HKDC1: variants seen among roughly 807,000 people sequenced by gnomAD.
HKDC1 encodes hexokinase domain containing 1.
HKDC1 carries 66 observed loss-of-function variants against 96.6 expected under a neutral mutation model. The observed-to-expected ratio is 0.68, with a 90% CI of 0.56 to 0.84. The LOEUF is 0.84. Ranked by LOEUF, HKDC1 falls within the 40% of genes least tolerant of loss-of-function variation. HKDC1 has a pLI of 0.00. For synonymous variants in HKDC1, 466 were observed against 473.1 expected, an observed-to-expected ratio of 0.98 and a Z score of 0.20; for missense variants, 1,211 against 1,208.1, an observed-to-expected ratio of 1.00 and a Z score of -0.04.
intron 4 of HKDC1, among the ~76,000 whole-genome samples, chr10:69,234,709 T>A (rs961704263): frequency 3.9e-5 from 6 of 152,262 alleles, no homozygotes. Flanking sequence ...CTTGTCTCTT[T>A]GTGCTTTTGT....
At chr10:69,253,733 C>T (rs2132368367) in intron 12 of HKDC1, among the ~76,000 whole-genome samples, 1 of 152,262 alleles carries the variant, frequency 6.6e-6, no homozygotes, top group East Asian at 1.9e-4. Flanking sequence ...CAAGAGGAAT[C>T]CAGTGCTGGT....
At chr10:69,245,068 A>AT (rs1352154085) in intron 7 of HKDC1, among the ~76,000 whole-genome samples, 1 of 151,902 alleles carries the variant, frequency 6.6e-6, no homozygotes, top group Non-Finnish European at 1.5e-5. Flanking sequence ...TGCCCGGCTA[A>AT]TTTTTTTGTA....
At chr10:69,233,286 C>T (rs1843303000) in intron 4 of HKDC1, among the ~76,000 whole-genome samples, 153 bp downstream of exon 4, 1 of 152,160 alleles carries the variant, frequency 6.6e-6, no homozygotes. Context: ...CAGCGTGAGG[C>T]AGAGAACTTG....
intron 5 of HKDC1, among the ~76,000 whole-genome samples, chr10:69,239,766 C>T (rs1353422995): frequency 7.9e-6 from 1 of 126,644 alleles, no homozygotes; most frequent in South Asian, 2.6e-4. Context: ...TTTCATTTTA[C>T]TTTTTTTTTT....
chr10:69,261,113 C>CAACCTT (rs746803801), intron 15 of HKDC1, 26 bp from the exon 16 acceptor site: 1 of 1,605,586 alleles, frequency 6.2e-7, no homozygotes, highest in Admixed American at 1.7e-5. Context: ...AGGTCTGCCC[C>CAACCTT]AACCTTATCC....
chr10:69,243,459 C>A, intron 7 of HKDC1, 94 bp downstream of exon 7: 11 of 998,508 alleles, frequency 1.1e-5, no homozygotes, highest in South Asian at 1.9e-5. Context: ...CCAGTTGTGA[C>A]TAGCTATCCA....
chr10:69,227,558 G>A (rs1177852057), intron 2 of HKDC1, among the ~76,000 whole-genome samples, 189 bp downstream of exon 2: 6 of 151,776 alleles, frequency 4.0e-5, no homozygotes. Flanking sequence ...GCAGCCCCAG[G>A]CACCGTGGCT....
At chr10:69,238,853 C>G (rs1158066499) in intron 4 of HKDC1, among the ~76,000 whole-genome samples, 189 bp from the exon 5 acceptor site, 2 of 152,200 alleles carry the variant, frequency 1.3e-5, no homozygotes, top group Non-Finnish European at 2.9e-5. Flanking sequence ...TTTCAAACCA[C>G]TCAGATGAGA....
intron 7 of HKDC1, among the ~76,000 whole-genome samples, chr10:69,243,718 C>T (rs568478715): frequency 1.3e-4 from 20 of 151,998 alleles, no homozygotes; most frequent in African/African-American, 4.1e-4. Flanking sequence ...GCTGGTTTTG[C>T]ACTCCTGAGC....
intron 10 of HKDC1, among the ~76,000 whole-genome samples, chr10:69,249,467 G>A (rs1011691509): frequency 3.3e-5 from 5 of 152,102 alleles, no homozygotes; most frequent in Non-Finnish European, 7.4e-5. Context: ...TCTTAACTGA[G>A]AGCAGTAAAA....
chr10:69,266,917 T>C lies in HKDC1; in HGVS notation c.*160T>C. ...CTCGGGTACTCTTAGTATCTTGTAC[T>C]GGATTTGCAGTGACATTACATGACA... On this transcript the variant is annotated 3_prime_UTR_variant, in exon 18 of 18. Transcript: ENST00000354624. 4.7e-6 allele frequency: 3 copies of C among 641,492 alleles called. No individual in the cohort carries two copies. The South Asian group carries it at 7.0e-5, about 15-fold the overall frequency. The allele number at this position is 641,492 out of a possible 1,614,324, so 39.7% of individuals were successfully genotyped here.
rs150155033 is a variant in HKDC1 at position 69,236,922 on chromosome 10, C to A, written c.496-2120C>A. 8.4e-3 allele frequency among the ~76,000 whole-genome samples: 1,277 copies of A among 152,168 alleles called. 17 individuals carry two copies. The highest frequency in any genetic ancestry group is 0.05 in the South Asian group (239 of 4,822). ...TAAAGTTAAGTAGTAAAGTTCCAAC[C>A]ACAAGAAAACTCATTCCTGATAATA... On this transcript the variant is annotated intron_variant, in intron 4 of 17. Transcript: ENST00000354624.
Position 69,220,350 on chromosome 10 carries a change from TG to T in HKDC1, c.-84del. 2.0e-6 allele frequency: 2 copies of T among 1,020,630 alleles called. No individual in the cohort carries two copies. The highest frequency in any genetic ancestry group is 1.4e-6 in the Non-Finnish European group (1 of 713,136). 63.2% of individuals were successfully genotyped at this position (1,020,630 alleles called of 1,614,324 possible). On this transcript the variant is annotated 5_prime_UTR_variant, in exon 1 of 18. Transcript: ENST00000354624. ...CCCCAGGAGGTCTGCCAGCCTGGAC[TG>T]GAAGCGTGCAACACTCCAGAGTCGT... is the stretch of plus-strand genomic sequence containing the variant.
chr10:69,261,629 G>A (rs970297221), intron 16 of HKDC1: 3 of 210,096 alleles, frequency 1.4e-5, no homozygotes, highest in African/African-American at 6.8e-5. Context: ...CATAACTACA[G>A]TACCATTATC....
At chr10:69,260,017 G>C (rs1364542096) in intron 15 of HKDC1, among the ~76,000 whole-genome samples, 1 of 152,194 alleles carries the variant, frequency 6.6e-6, no homozygotes, top group Admixed American at 6.5e-5. Flanking sequence ...TTCTGTAAAA[G>C]AACAGATAGT....
Position 69,267,066 on chromosome 10 carries a change from A to G in HKDC1, c.*309A>G. 1 of 251,390 alleles carries G rather than the reference A, an allele frequency of 4.0e-6. No homozygotes were observed. The highest frequency in any genetic ancestry group is 7.6e-6 in the Non-Finnish European group (1 of 131,628). 15.6% of individuals were successfully genotyped at this position (251,390 alleles called of 1,614,324 possible). ...GAGCTGTCAATTCTCTATGGCTTTC[A>G]GTCTTGTGGCTGCGGGACTTGGAAA... On this transcript the variant is annotated 3_prime_UTR_variant, in exon 18 of 18. Coordinates refer to ENST00000354624, the MANE Select transcript of HKDC1 (RefSeq NM_025130.4).
chr10:69,249,270 G>A (rs992758395), intron 10 of HKDC1, among the ~76,000 whole-genome samples: 14 of 152,080 alleles, frequency 9.2e-5, no homozygotes, highest in Admixed American at 2.0e-4. Context: ...AGACTCTTCC[G>A]GAAATAATGA....
chr10:69,252,986 G>GTGTGTGTT, intron 12 of HKDC1, among the ~76,000 whole-genome samples: 1 of 150,916 alleles, frequency 6.6e-6, no homozygotes, highest in African/African-American at 2.4e-5. Flanking sequence ...GTGTGTGTGT[G>GTGTGTGTT]TGTGTGTGTG....
At position 69,232,894 on chromosome 10, in the gene HKDC1, C is replaced by T. The variant is rs1459643719; in HGVS notation, c.357C>T (p.Ile119=). The T allele has an allele frequency of 1.2e-6, 2 of 1,613,176 alleles. No homozygotes were observed. The highest frequency in any genetic ancestry group is 1.7e-6 in the Non-Finnish European group (2 of 1,180,050). The change falls in exon 3 of 18, where the codon ATC becomes ATT. Residue 119 remains isoleucine, a synonymous_variant. Coordinates refer to ENST00000354624, the MANE Select transcript of HKDC1 (RefSeq NM_025130.4). ...SQFYPTPNEI[I]RGNGTELFEY... is the part of the protein sequence containing the mutation. ...TCTACCCAACGCCCAATGAAATCAT[C>T]CGCGGGAACGGCACAGAGGTACCTG...
Sources: allele counts gnomAD v4.1 joint callset (sites outside exome capture counted in the v4.1 genomes callset), GRCh38; gene constraint gnomAD v4.1.1; transcripts MANE v1.5; gene names NCBI Gene and HGNC (gene_info 2026-07-23, HGNC 2026-07-21).